The following PITPNB variants were observed in gnomAD, a reference collection of about 807,000 sequenced individuals.
The protein encoded by PITPNB is phosphatidylinositol transfer protein beta isoform.
In PITPNB, 16 loss-of-function variants were observed where a neutral mutation model predicts 45.9. The ratio of observed to expected loss-of-function variants is 0.35; its 90% CI spans 0.24 to 0.53. The LOEUF is 0.53. Ranked by LOEUF, PITPNB falls within the 20% of genes least tolerant of loss-of-function variation. The pLI is 0.93. For synonymous variants in PITPNB, 112 were observed against 108.9 expected (o/e 1.03, Z -0.18); for missense variants, 188 against 330.5 (o/e 0.57, Z 3.34).
chr22:27,869,621 C>G (rs1207526282), intron 8 of PITPNB, among the ~76,000 whole-genome samples: 1 of 152,118 alleles, frequency 6.6e-6, no homozygotes, highest in Non-Finnish European at 1.5e-5. Flanking sequence ...GAGGGGAACT[C>G]TGAATACTAG....
chr22:27,890,020 G>A (rs569474642), intron 7 of PITPNB, among the ~76,000 whole-genome samples: 1 of 152,302 alleles, frequency 6.6e-6, no homozygotes, highest in Admixed American at 6.5e-5. Flanking sequence ...AACTAGTCAA[G>A]GCCCAAACAA....
At chr22:27,901,897 T>A (rs1200151630) in intron 3 of PITPNB, among the ~76,000 whole-genome samples, 1 of 151,618 alleles carries the variant, frequency 6.6e-6, no homozygotes, top group South Asian at 2.1e-4. Flanking sequence ...ATAATAATAA[T>A]AAATATATAT....
chr22:27,897,856 C>G lies in PITPNB; in HGVS notation c.234G>C (p.Glu78Asp). 6.2e-7 allele frequency: 1 copy of G among 1,613,932 alleles called. No individual in the cohort carries two copies. ...CTTTCTCATGAAACACCAAGGAGCCCTCGGGAGCAATCATCCTCACGAATG... is the reference window on the plus strand; with the variant it reads ...CTTTCTCATGAAACACCAAGGAGCCGTCGGGAGCAATCATCCTCACGAATG... ...VPAFVRMIAP[E>D]GSLVFHEKAW... Residue 78 changes from glutamate to aspartate, a missense_variant, in exon 4 of 12, where the codon GAG (glutamate) becomes GAC (aspartate). Coordinates refer to ENST00000335272, the MANE Select transcript of PITPNB (RefSeq NM_012399.5).
chr22:27,857,464 G>C (rs1377545667), intron 10 of PITPNB, among the ~76,000 whole-genome samples: 1 of 152,142 alleles, frequency 6.6e-6, no homozygotes, highest in East Asian at 1.9e-4. Context: ...CAGAAAAATA[G>C]GTTTCCTTTT....
At chr22:27,901,652 G>A (rs1232700779) in intron 3 of PITPNB, among the ~76,000 whole-genome samples, 1 of 152,174 alleles carries the variant, frequency 6.6e-6, no homozygotes, top group East Asian at 1.9e-4. Flanking sequence ...CAGAGGTCAA[G>A]GTGGGAGGAT....
chr22:27,905,232 C>T (rs1352748299), intron 3 of PITPNB, among the ~76,000 whole-genome samples: 3 of 152,222 alleles, frequency 2.0e-5, no homozygotes, highest in African/African-American at 7.2e-5. Flanking sequence ...ACTGCAACCT[C>T]CACCTCCCAG....
At position 27,893,582 on chromosome 22, in the gene PITPNB, CTTTTTTTTTTTTTT is replaced by C. The variant is rs745878388; in HGVS notation, c.456+959_456+972del. Among the ~76,000 whole-genome samples the C allele has an allele frequency of 9.5e-3, 702 of 74,098 alleles. 1 individual carries two copies. Among genetic ancestry groups the C allele is most frequent in the Non-Finnish European group, 0.014 (570 of 40,626 alleles). 48.6% of individuals were successfully genotyped at this position (74,098 alleles called of 152,430 possible). A position where few individuals can be genotyped will look rare whatever the true frequency, so the allele number is the denominator to read the frequency against. On this transcript the variant is annotated intron_variant, in intron 7 of 11. Transcript: ENST00000335272. ...ACAGGCTTGAGCCACCATGTCTAGC[CTTTTTTTTTTTTTT>C]TTTTTTTTTTTGAGCTAGGATCTCG...
intron 2 of PITPNB, among the ~76,000 whole-genome samples, chr22:27,913,763 G>C (rs1368237138): frequency 6.6e-6 from 1 of 152,174 alleles, no homozygotes; most frequent in African/African-American, 2.4e-5. Flanking sequence ...GTTTAACCTT[G>C]AGACTTTCTA....
rs1935995169 is a variant in PITPNB at position 27,913,529 on chromosome 22, A to G, written c.51+788T>C. Among the ~76,000 whole-genome samples the G allele has an allele frequency of 3.3e-5, 5 of 152,318 alleles. No homozygotes were observed. The South Asian group carries it at 1.0e-3, about 32-fold the overall frequency. On this transcript the variant is annotated intron_variant, in intron 2 of 11. Transcript: ENST00000335272. ...ATCTTCATTCTTGTCTACAATACAC[A>G]TGGCTATAACTGCAGGACATGCAAG...
At chr22:27,871,338 G>A (rs1226092684) in intron 8 of PITPNB, among the ~76,000 whole-genome samples, 1 of 152,188 alleles carries the variant, frequency 6.6e-6, no homozygotes, top group Non-Finnish European at 1.5e-5. Context: ...ATGTAGCATT[G>A]TCTTTTAATG....
chr22:27,897,601 G>A (rs751453300), intron 4 of PITPNB, among the ~76,000 whole-genome samples, 200 bp downstream of exon 4: 5 of 152,160 alleles, frequency 3.3e-5, no homozygotes, highest in Non-Finnish European at 7.3e-5. Flanking sequence ...GCTGCCATGT[G>A]GGAATGAACT....
At position 27,899,514 on chromosome 22, in the gene PITPNB, A is replaced by G. The variant is rs577659286; in HGVS notation, c.198-1622T>C. 6.9e-3 allele frequency among the ~76,000 whole-genome samples: 1,050 copies of G among 152,074 alleles called. 8 individuals carry two copies. The highest frequency in any genetic ancestry group is 0.023 in the African/African-American group (943 of 41,490). Reference sequence around the variant, plus strand: ...ATTTTTTTGTATTTTTAGTAGAGACAGGGTTTCACCGTGTTAGCCAGGGTG... The same window carrying G: ...ATTTTTTTGTATTTTTAGTAGAGACGGGGTTTCACCGTGTTAGCCAGGGTG... On this transcript the variant is annotated intron_variant, in intron 3 of 11. Coordinates refer to ENST00000335272, the MANE Select transcript of PITPNB (RefSeq NM_012399.5).
intron 3 of PITPNB, among the ~76,000 whole-genome samples, chr22:27,898,415 G>A (rs1368264976): frequency 6.6e-6 from 1 of 151,020 alleles, no homozygotes; most frequent in Non-Finnish European, 1.5e-5. Context: ...GGTTTTGTGT[G>A]TGTGTGTGTG....
At chr22:27,885,489 G>A (rs998893505) in intron 7 of PITPNB, among the ~76,000 whole-genome samples, 1 of 152,046 alleles carries the variant, frequency 6.6e-6, no homozygotes, top group Admixed American at 6.6e-5. Flanking sequence ...TGACCAAAAA[G>A]GTATTTGCTC....
At chr22:27,857,656 C>T (rs1934210614) in intron 10 of PITPNB, among the ~76,000 whole-genome samples, 3 of 152,140 alleles carry the variant, frequency 2.0e-5, no homozygotes. Context: ...TTTGTTTCAC[C>T]CATGGGGCCT....
Position 27,879,087 on chromosome 22 carries a change from G to A in PITPNB, c.457-5272C>T, listed in dbSNP as rs186883820. Among the ~76,000 whole-genome samples, 150 of 151,920 alleles carry A rather than the reference G, an allele frequency of 9.9e-4. 1 individual carries two copies. Among genetic ancestry groups the A allele is most frequent in the African/African-American group, 3.5e-3 (143 of 41,346 alleles). ...AAAGAGACCCTCCATAGAGTCCTGA[G>A]ATGGTGGGGGTGAGCCTGGCATGTG... On this transcript the variant is annotated intron_variant, in intron 7 of 11. Transcript: ENST00000335272.
intron 3 of PITPNB, 63 bp downstream of exon 3, chr22:27,910,901 C>G: frequency 8.6e-7 from 1 of 1,164,812 alleles, no homozygotes; most frequent in Non-Finnish European, 1.3e-6. Flanking sequence ...GTTAAGTTAG[C>G]TAGTTACATG....
intron 4 of PITPNB, 39 bp from the exon 5 acceptor site, chr22:27,897,176 A>C: frequency 7.0e-7 from 1 of 1,428,254 alleles, no homozygotes; most frequent in Non-Finnish European, 9.9e-7. Flanking sequence ...AAAGGAGAAA[A>C]ATTTCAGAAT....
intron 8 of PITPNB, among the ~76,000 whole-genome samples, chr22:27,872,749 AC>A (rs2146365332): frequency 6.6e-6 from 1 of 152,160 alleles, no homozygotes; most frequent in Admixed American, 6.5e-5. Flanking sequence ...ACCAAGTAAG[AC>A]CCTGGGAGTG....
Sources: allele counts gnomAD v4.1 joint callset (sites outside exome capture counted in the v4.1 genomes callset), GRCh38; gene constraint gnomAD v4.1.1; transcripts MANE v1.5; gene names NCBI Gene and HGNC (gene_info 2026-07-23, HGNC 2026-07-21).